The following ANK1 variants were observed in gnomAD, a reference collection of about 807,000 sequenced individuals.
ANK1 encodes the protein ankyrin 1, also known as ankyrin-1.
ANK1 carries 51 observed loss-of-function variants against 210.4 expected under a neutral mutation model. The observed-to-expected ratio is 0.24, with a 90% CI of 0.19 to 0.31. The LOEUF (loss-of-function observed/expected upper bound fraction) is 0.31, where lower values mean the gene tolerates loss of function less well. Among genes scored for constraint, ANK1 ranks in the 10% least tolerant of loss-of-function variants. The pLI is 1.00. For missense variants in ANK1, 2,051 were observed against 2,504.4 expected (o/e 0.82, Z 3.86); for synonymous variants, 967 against 1,025.9 (o/e 0.94, Z 1.10).
upstream of ANK1, chr8:41,797,692 C>G (rs561376119): frequency 2.5e-6 from 3 of 1,197,734 alleles, no homozygotes; most frequent in Admixed American, 3.6e-5. This position sits in a 1 kb window ranked among gnomAD's most constrained non-coding sequence, Gnocchi z 4.0. Flanking sequence ...GCTGTCGGGC[C>G]GGGCGCTCCC....
intron 1 of ANK1, among the ~76,000 whole-genome samples, chr8:41,880,609 G>T (rs1392155717): frequency 6.6e-6 from 1 of 152,226 alleles, no homozygotes; most frequent in Non-Finnish European, 1.5e-5. Context: ...TTTGCAGGGG[G>T]GCTGGTGTGG....
Position 41,696,671 on chromosome 8 carries a change from C to T in ANK1, c.2735+5G>A, listed in dbSNP as rs1431920276. The T allele has an allele frequency of 1.2e-6, 2 of 1,604,890 alleles. No individual in the cohort carries two copies. Among genetic ancestry groups the T allele is most frequent in the Non-Finnish European group, 1.7e-6 (2 of 1,179,948 alleles). ...GAGTCCCCGAGCCCTGCGCCCGCCACTCACCCTGTATGCACCGGGCTGGCC... is the reference window on the plus strand; with the variant it reads ...GAGTCCCCGAGCCCTGCGCCCGCCATTCACCCTGTATGCACCGGGCTGGCC... On this transcript the variant is annotated splice_donor_5th_base_variant and intron_variant, in intron 25 of 42. Coordinates refer to ENST00000289734, the MANE Select transcript of ANK1 (RefSeq NM_000037.4).
chr8:41,678,047 C>T (rs530234345), intron 37 of ANK1, among the ~76,000 whole-genome samples: 12 of 152,254 alleles, frequency 7.9e-5, no homozygotes, highest in East Asian at 5.8e-4. Flanking sequence ...GAGTTGCTCA[C>T]GTGTTTCCTG....
chr8:41,849,239 C>T (rs931830721), intron 1 of ANK1, among the ~76,000 whole-genome samples: 2 of 152,364 alleles, frequency 1.3e-5, no homozygotes, highest in South Asian at 4.1e-4. Context: ...GGGACCTGTG[C>T]TCTTCTGAAC....
rs774233996 is a variant in ANK1 at position 41,704,067 on chromosome 8, C to T, written c.2269G>A (p.Gly757Ser). The T allele has an allele frequency of 3.8e-5, 62 of 1,613,924 alleles. No individual in the cohort carries two copies. Among genetic ancestry groups the T allele is most frequent in the Non-Finnish European group, 4.5e-5 (53 of 1,180,004 alleles). Reference protein sequence around the residue: ...TDIVTLLLKNGASPNEVSSDG... With the variant: ...TDIVTLLLKNSASPNEVSSDG... ...GAGCTGACCTCGTTTGGGGAAGCAC[C>T]GTTTTTCAGAAGCAGAGTCACGATG... The change falls in exon 20 of 43, where the codon GGT becomes AGT. Residue 757 changes from glycine to serine, a missense_variant. By Grantham distance (56) the Gly-to-Ser change is moderately conservative (BLOSUM62 0). Around this residue, in one of 6 missense-constraint regions of ANK1, gnomAD observed 1,413 missense variants for 1,707.4 expected, o/e 0.83. Transcript: ENST00000289734. The surrounding 1 kb of genome is among the most constrained non-coding windows in gnomAD (Gnocchi z 4.1).
chr8:41,714,995 T>C lies in ANK1; in HGVS notation c.1682A>G (p.His561Arg), dbSNP rs757155835. ...VAELLLERDAHPNAAGKNGLT... is the reference protein window; with the variant it reads ...VAELLLERDARPNAAGKNGLT... ...ACTCACTTTTCCGGCAGCATTCGGG[T>C]GTGCGTCCCGCTCCAGCAGCAGCTC... is the stretch of plus-strand genomic sequence containing the variant. The change falls in exon 15 of 43, where the codon CAC becomes CGC. Residue 561 changes from histidine (H) to arginine (R), a missense_variant. Transcript: ENST00000289734. 1.2e-6 allele frequency: 2 copies of C among 1,613,906 alleles called. No homozygotes were observed. The highest frequency in any genetic ancestry group is 4.5e-5 in the East Asian group (2 of 44,882).
At chr8:41,689,226 T>C (rs945311840) in intron 33 of ANK1, among the ~76,000 whole-genome samples, 7 of 152,182 alleles carry the variant, frequency 4.6e-5, no homozygotes, top group African/African-American at 1.7e-4. Context: ...CGGCCTCAAG[T>C]GATCCTTCTG....
chr8:41,732,295 AG>A (rs1832368857), intron 3 of ANK1, among the ~76,000 whole-genome samples: 4 of 152,194 alleles, frequency 2.6e-5, no homozygotes, highest in Admixed American at 2.6e-4. Context: ...ATAAGAGGCT[AG>A]GGGGAAAGAA....
chr8:41,712,892 T>C (rs1826540450), intron 16 of ANK1, among the ~76,000 whole-genome samples: 1 of 152,156 alleles, frequency 6.6e-6, no homozygotes, highest in African/African-American at 2.4e-5. Context: ...GGTTTTTATT[T>C]TTAGAGGCAG....
chr8:41,722,332 G>A (rs573596973), intron 9 of ANK1, among the ~76,000 whole-genome samples: 1 of 152,364 alleles, frequency 6.6e-6, no homozygotes, highest in South Asian at 2.1e-4. Flanking sequence ...AACAGAACAT[G>A]ATAATGTGTC....
chr8:41,887,158 G>A (rs192104839), intron 1 of ANK1, among the ~76,000 whole-genome samples: 97 of 151,878 alleles, frequency 6.4e-4, no homozygotes, highest in Non-Finnish European at 1.2e-3. Context: ...TTAGACAGGT[G>A]GGGCGTCCTC....
chr8:41,893,338 C>T (rs1399829363), intron 1 of ANK1, among the ~76,000 whole-genome samples: 2 of 152,286 alleles, frequency 1.3e-5, no homozygotes, highest in Middle Eastern at 3.4e-3. Flanking sequence ...CAGCAAGTGG[C>T]TGACAAGGTT....
At chr8:41,878,459 G>T (rs1816992390) in intron 1 of ANK1, among the ~76,000 whole-genome samples, 1 of 152,158 alleles carries the variant, frequency 6.6e-6, no homozygotes, top group Non-Finnish European at 1.5e-5. Flanking sequence ...AGGTTCAGGG[G>T]GAGCTGTTTA....
intron 42 of ANK1, among the ~76,000 whole-genome samples, chr8:41,656,942 T>C (rs1470113395): frequency 6.6e-6 from 1 of 152,154 alleles, no homozygotes; most frequent in Non-Finnish European, 1.5e-5. Flanking sequence ...GGGAAGATGC[T>C]TTCATCACTG....
In ANK1 at chr8:41,704,148, T is replaced by G; in HGVS notation, c.2197-9A>C. 1 of 1,613,114 alleles carries G rather than the reference T, an allele frequency of 6.2e-7. No individual in the cohort carries two copies. The highest frequency in any genetic ancestry group is 8.5e-7 in the Non-Finnish European group (1 of 1,179,478). On this transcript the variant is annotated splice_polypyrimidine_tract_variant and intron_variant, in intron 19 of 42. Coordinates refer to ENST00000289734, the MANE Select transcript of ANK1 (RefSeq NM_000037.4). This position sits in a 1 kb window ranked among gnomAD's most constrained non-coding sequence, Gnocchi z 4.1. ...AGGGGGCTGTATCCTAGCTGCAAAG[T>G]GAGCAGACATTTAGGCAGGGTTAGC...
chr8:41,730,748 A>G (rs1326214516), intron 3 of ANK1, among the ~76,000 whole-genome samples: 2 of 152,344 alleles, frequency 1.3e-5, no homozygotes, highest in African/African-American at 4.8e-5. Flanking sequence ...AGACACCAGG[A>G]CGCTGAGCTC....
intron 1 of ANK1, among the ~76,000 whole-genome samples, chr8:41,860,940 G>C (rs1813156220): frequency 6.6e-6 from 1 of 152,186 alleles, no homozygotes; most frequent in African/African-American, 2.4e-5. Context: ...GAACAGAACT[G>C]CTGCTTCCAG....
rs759312022 is a variant in ANK1 at position 41,672,603 on chromosome 8, C to G, written c.4847G>C (p.Gly1616Ala). 5 of 1,614,128 alleles carry G rather than the reference C, an allele frequency of 3.1e-6. No homozygotes were observed. In the African/African-American group the frequency reaches 5.3e-5, roughly 17 times the overall value. Reference sequence around the variant, plus strand: ...GTCGTCCTCCACAAGTTCCAGAGAGCCCAACTCGGGGCCCCGCGGTTCCTC... The same window carrying G: ...GTCGTCCTCCACAAGTTCCAGAGAGGCCAACTCGGGGCCCCGCGGTTCCTC... ...LSEEPRGPEL[G>A]SLELVEDDTV... Residue 1616 changes from glycine to alanine, a missense_variant, in exon 38 of 43, where the codon GGC (glycine) becomes GCC (alanine). By Grantham distance (60) the Gly-to-Ala change is moderately conservative. This residue lies in a region of ANK1 where 496 missense variants were observed against 533.4 expected (regional missense o/e 0.93). Transcript: ENST00000289734.
chr8:41,821,837 C>T (rs2096330304), intron 1 of ANK1, among the ~76,000 whole-genome samples: 1 of 152,068 alleles, frequency 6.6e-6, no homozygotes, highest in Admixed American at 6.6e-5. Context: ...CACCTGAGGT[C>T]AGGAGTTGGA....
Sources: gnomAD v4.1 joint callset for allele counts (sites outside exome capture counted in the v4.1 genomes callset) on GRCh38, gnomAD v4.1.1 for gene constraint, gnomAD v4.1.1 regional missense constraint, Gnocchi (gnomAD v3.1) non-coding constraint, MANE v1.5 for transcripts, NCBI Gene and HGNC (gene_info 2026-07-23, HGNC 2026-07-21) for gene names.